USP16: variants seen among roughly 807,000 people sequenced by gnomAD.
The protein encoded by USP16 is ubiquitin specific peptidase 16.
USP16 carries 77 observed loss-of-function variants against 95.9 expected under a neutral mutation model. That is an observed-to-expected ratio of 0.80 (90% CI 0.67 to 0.97). USP16 has a LOEUF of 0.97. USP16 is among the 50% of genes least tolerant of loss of function. The pLI, the probability that USP16 is intolerant of heterozygous loss-of-function variation, is 0.00. For missense variants in USP16, 943 were observed against 959.9 expected (o/e 0.98, Z 0.23); for synonymous variants, 303 against 318.2 (o/e 0.95, Z 0.51).
rs750620671 is a variant in USP16, at chr21:29,043,605, T to C, written c.1356+6T>C. Reference sequence around the variant, plus strand: ...AAGCCAAAAAGCAAGCCAAGGTGGGTAATTAGGAGGAAAATCATATGCTTG... The same window carrying C: ...AAGCCAAAAAGCAAGCCAAGGTGGGCAATTAGGAGGAAAATCATATGCTTG... On this transcript the variant is annotated splice_donor_region_variant and intron_variant, in intron 13 of 17. Transcript: ENST00000399976. 5 of 1,526,962 alleles carry C rather than the reference T, an allele frequency of 3.3e-6. No homozygotes were observed. In the South Asian group the frequency reaches 5.4e-5, roughly 16 times the overall value. 94.6% of individuals were successfully genotyped at this position (1,526,962 alleles called of 1,614,324 possible).
At position 29,046,976 on chromosome 21, in the gene USP16, A is replaced by T. The variant is rs760326248; in HGVS notation, c.1666A>T (p.Asn556Tyr). 2 of 1,614,106 alleles carry T rather than the reference A, an allele frequency of 1.2e-6. No homozygotes were observed. Among genetic ancestry groups the T allele is most frequent in the South Asian group, 1.1e-5 (1 of 91,082 alleles). Residue 556 changes from asparagine to tyrosine, a missense_variant, in exon 14 of 18, where the codon AAT becomes TAT. By Grantham distance (143) the Asn-to-Tyr change is moderately radical. Coordinates refer to ENST00000399976, the MANE Select transcript of USP16 (RefSeq NM_006447.3). ...GGTTTTAACATCTTCTCCCACTAGG[A>T]ATTTAAATGGTGCCTACCTAACGGA... Reference protein sequence around the residue: ...LEVLTSSPTRNLNGAYLTEGS... With the variant: ...LEVLTSSPTRYLNGAYLTEGS...
chr21:29,028,711 AG>A (rs2085031241), intron 2 of USP16, among the ~76,000 whole-genome samples: 1 of 152,236 alleles, frequency 6.6e-6, no homozygotes, highest in Non-Finnish European at 1.5e-5. Context: ...CTGGGATTAC[AG>A]GCGTGAGCCA....
At chr21:29,025,643 A>T in intron 1 of USP16, 3 of 529,304 alleles carry the variant, frequency 5.7e-6, no homozygotes, top group Non-Finnish European at 7.3e-6. Flanking sequence ...AACCAGATTT[A>T]CTAGTGCTGT....
At chr21:29,033,459 C>T (rs184386064) in intron 3 of USP16, among the ~76,000 whole-genome samples, 18 of 152,250 alleles carry the variant, frequency 1.2e-4, no homozygotes, top group Admixed American at 3.9e-4. Context: ...GAAACACGAC[C>T]GGTTGTTGTA....
At chr21:29,044,113 A>G (rs2085286136) in intron 13 of USP16, among the ~76,000 whole-genome samples, 5 of 152,166 alleles carry the variant, frequency 3.3e-5, no homozygotes, top group Admixed American at 2.6e-4. Context: ...TTATATTTTT[A>G]GTAGAGACAG....
chr21:29,037,579 CTTTTTTTTTTTTTTT>C, intron 6 of USP16, 116 bp downstream of exon 6: 1 of 179,622 alleles, frequency 5.6e-6, no homozygotes, highest in Non-Finnish European at 8.8e-6. Context: ...CCAAAGAAAA[CTTTTTTTTTTTTTTT>C]TTTTTTTTTT....
At chr21:29,050,261 G>A in intron 16 of USP16, 83 bp downstream of exon 16, 1 of 1,221,368 alleles carries the variant, frequency 8.2e-7, no homozygotes, top group South Asian at 1.4e-5. Flanking sequence ...ACTCACTTAA[G>A]TATGAAGTTG....
chr21:29,028,538 C>T (rs974739476), intron 2 of USP16, among the ~76,000 whole-genome samples: 1 of 151,942 alleles, frequency 6.6e-6, no homozygotes, highest in Non-Finnish European at 1.5e-5. Context: ...AGGGTTCAAG[C>T]GATTCTCCTG....
chr21:29,030,412 A>G (rs1215408361), intron 2 of USP16, among the ~76,000 whole-genome samples, 183 bp from the exon 3 acceptor site: 1 of 152,206 alleles, frequency 6.6e-6, no homozygotes, highest in African/African-American at 2.4e-5. Context: ...TTTGTGTCAA[A>G]TCTCTTTCTC....
At chr21:29,041,505 C>T (rs1283138031) in intron 10 of USP16, among the ~76,000 whole-genome samples, 1 of 152,042 alleles carries the variant, frequency 6.6e-6, no homozygotes, top group Non-Finnish European at 1.5e-5. Context: ...GAAATATTTT[C>T]CTGAGGTTTT....
In USP16 at chr21:29,053,971, G is replaced by A. The variant is rs2146407248; in HGVS notation, c.2350+13G>A. The A allele has an allele frequency of 1.2e-6, 2 of 1,613,684 alleles. No homozygotes were observed. Among genetic ancestry groups the A allele is most frequent in the South Asian group, 2.2e-5 (2 of 91,036 alleles). ...GATATTCCACAAGGTAAGATGTCTT[G>A]GAAAATTCAGGCACTCAGCAGATTA... On this transcript the variant is annotated intron_variant, in intron 17 of 17. Coordinates refer to ENST00000399976, the MANE Select transcript of USP16 (RefSeq NM_006447.3).
chr21:29,042,357 C>A, intron 11 of USP16, 115 bp from the exon 12 acceptor site: 1 of 1,086,928 alleles, frequency 9.2e-7, no homozygotes, highest in Admixed American at 2.8e-5. Context: ...TTTTCTTAAG[C>A]CTTTGTTTAT....
chr21:29,045,610 G>A (rs982260656), intron 13 of USP16, among the ~76,000 whole-genome samples: 1 of 151,628 alleles, frequency 6.6e-6, no homozygotes, highest in South Asian at 2.1e-4. Flanking sequence ...AACTCATATG[G>A]ATACATTTCT....
chr21:29,042,600 T>TA (rs2085261676), intron 12 of USP16, 72 bp downstream of exon 12: 2 of 1,390,282 alleles, frequency 1.4e-6, no homozygotes, highest in South Asian at 2.5e-5. Context: ...GAAGCCTTGT[T>TA]ACTCTTTTTA....
chr21:29,042,698 C>T, intron 12 of USP16, 170 bp downstream of exon 12: 2 of 533,092 alleles, frequency 3.8e-6, no homozygotes, highest in Non-Finnish European at 6.4e-6. Flanking sequence ...AGGGTAACTA[C>T]TTTAAAAACA....
chr21:29,054,225 GCT>G lies in USP16; in HGVS notation c.*39_*40del. On this transcript the variant is annotated 3_prime_UTR_variant, in exon 18 of 18. Coordinates refer to ENST00000399976, the MANE Select transcript of USP16 (RefSeq NM_006447.3). ...CACTTTTTCTGGAAACACATTTATG[GCT>G]TTTATAATGGCTGAAATAACGATAA... 1 of 1,584,434 alleles carries G rather than the reference GCT, an allele frequency of 6.3e-7. No homozygotes were observed. Among genetic ancestry groups the G allele is most frequent in the Non-Finnish European group, 8.6e-7 (1 of 1,159,818 alleles).
At chr21:29,030,486 ATAGAG>A (rs1407475296) in intron 2 of USP16, 104 bp from the exon 3 acceptor site, 58 of 975,638 alleles carry the variant, frequency 5.9e-5, no homozygotes, top group Non-Finnish European at 7.3e-5. Flanking sequence ...TTAACAGTTT[ATAGAG>A]TAAATTTCAT....
Position 29,039,041 on chromosome 21 carries a change from A to C in USP16, c.748A>C (p.Asn250His). 6.5e-7 allele frequency: 1 copy of C among 1,543,668 alleles called. No individual in the cohort carries two copies. The highest frequency in any genetic ancestry group is 8.7e-7 in the Non-Finnish European group (1 of 1,145,512). Reference protein sequence around the residue: ...DLALTEPLEINLEPPGPLTLA... With the variant: ...DLALTEPLEIHLEPPGPLTLA... ...CCATATTCAGGAACCATTAGAAATA[A>C]ACCTTGAGCCTCCAGGCCCTCTTAC... The change falls in exon 8 of 18, where the codon AAC becomes CAC. Residue 250 changes from asparagine to histidine, a missense_variant. Coordinates refer to ENST00000399976, the MANE Select transcript of USP16 (RefSeq NM_006447.3).
At chr21:29,048,371 C>T (rs1261558547) in intron 14 of USP16, among the ~76,000 whole-genome samples, 4 of 152,180 alleles carry the variant, frequency 2.6e-5, no homozygotes, top group South Asian at 2.1e-4. Flanking sequence ...CGTGAGCCAT[C>T]GCACCCAGCC....
Sources: allele counts gnomAD v4.1 joint callset (sites outside exome capture counted in the v4.1 genomes callset), GRCh38; gene constraint gnomAD v4.1.1; transcripts MANE v1.5; gene names NCBI Gene and HGNC (gene_info 2026-07-23, HGNC 2026-07-21).